The following CLIC5 variants were observed in gnomAD, a reference collection of about 807,000 sequenced individuals.
CLIC5 encodes the protein chloride intracellular channel protein 5.
Under a neutral mutation model 24.7 loss-of-function variants are expected in CLIC5, and 20 were observed. The ratio of observed to expected loss-of-function variants is 0.81; its 90% CI spans 0.57 to 1.18. CLIC5 has a LOEUF of 1.18. CLIC5 is among the 50% of genes most tolerant of loss of function. The pLI, the probability that CLIC5 is intolerant of heterozygous loss-of-function variation, is 0.00. For synonymous variants in CLIC5, 159 were observed against 135.6 expected, an observed-to-expected ratio of 1.17 and a Z score of -1.20; for missense variants, 341 against 326.1, an observed-to-expected ratio of 1.05 and a Z score of -0.35.
intron 1 of CLIC5, among the ~76,000 whole-genome samples, chr6:46,073,244 AAC>A (rs1762669216): frequency 2.6e-5 from 4 of 152,164 alleles, no homozygotes; most frequent in Admixed American, 2.0e-4. Flanking sequence ...ACCCCATGCA[AAC>A]ACACTTTTTA....
chr6:46,002,013 C>G (rs541210927), intron 1 of CLIC5, among the ~76,000 whole-genome samples: 105 of 152,264 alleles, frequency 6.9e-4, no homozygotes, highest in Non-Finnish European at 1.4e-3. Context: ...CCCCACCCCC[C>G]ACACCAGGGA....
At chr6:45,995,458 G>T (rs1276180317) in intron 1 of CLIC5, among the ~76,000 whole-genome samples, 1 of 152,204 alleles carries the variant, frequency 6.6e-6, no homozygotes, top group Non-Finnish European at 1.5e-5. Context: ...CTCACAGTGT[G>T]ATCTGCTTTA....
At chr6:45,978,613 T>C (rs1470596560) in intron 1 of CLIC5, among the ~76,000 whole-genome samples, 2 of 152,212 alleles carry the variant, frequency 1.3e-5, no homozygotes, top group East Asian at 1.9e-4. Context: ...CTGAGGCTTC[T>C]AGTGTAGGGT....
chr6:46,006,127 C>CAT (rs58643121), intron 1 of CLIC5, among the ~76,000 whole-genome samples: 4,646 of 34,852 alleles, frequency 0.13, 326 homozygotes, highest in Non-Finnish European at 0.15. Flanking sequence ...TGTATAAATA[C>CAT]ATATATATAT....
intron 6 of CLIC5, among the ~76,000 whole-genome samples, chr6:45,890,326 A>G (rs947699448): frequency 2.0e-5 from 3 of 152,346 alleles, no homozygotes; most frequent in South Asian, 2.1e-4. Flanking sequence ...CTCAACATCT[A>G]TAATTATCAG....
Position 45,903,053 on chromosome 6 carries a change from C to A in CLIC5, c.*35G>T. Reference sequence around the variant, plus strand: ...TGGAGTCTTAGGGGAGTGGTTGAGTCCTTCTGCAGCGGGGATGGGGCAAAA... The same window carrying A: ...TGGAGTCTTAGGGGAGTGGTTGAGTACTTCTGCAGCGGGGATGGGGCAAAA... On this transcript the variant is annotated 3_prime_UTR_variant, in exon 6 of 6. Transcript: ENST00000339561. 1 of 1,612,518 alleles carries A rather than the reference C, an allele frequency of 6.2e-7. No homozygotes were observed. The highest frequency in any genetic ancestry group is 1.1e-5 in the South Asian group (1 of 90,844).
At chr6:45,929,024 A>G (rs1763621828) in intron 4 of CLIC5, among the ~76,000 whole-genome samples, 1 of 152,114 alleles carries the variant, frequency 6.6e-6, no homozygotes, top group Non-Finnish European at 1.5e-5. Flanking sequence ...ACCACATGGA[A>G]TGGTGTTGGT....
intron 1 of CLIC5, among the ~76,000 whole-genome samples, chr6:46,074,412 T>G (rs533790094): frequency 6.6e-6 from 1 of 152,332 alleles, no homozygotes; most frequent in South Asian, 2.1e-4. Flanking sequence ...CACTTTACTA[T>G]GCTGAGCCAA....
At chr6:46,103,057 A>G in the CLIC5 span, among the ~76,000 whole-genome samples, 1 of 147,920 alleles carries the variant, frequency 6.8e-6, no homozygotes, top group African/African-American at 2.4e-5. Context: ...CACGAGTTTC[A>G]CTCAGCTTTT....
chr6:45,882,117 G>A (rs925021890), intron 6 of CLIC5, among the ~76,000 whole-genome samples: 1 of 152,154 alleles, frequency 6.6e-6, no homozygotes, highest in Non-Finnish European at 1.5e-5. Flanking sequence ...GCACACTTGC[G>A]ACTTTTCTTT....
intron 1 of CLIC5, among the ~76,000 whole-genome samples, chr6:46,062,646 A>C (rs1226505602): frequency 6.6e-6 from 1 of 152,228 alleles, no homozygotes; most frequent in Non-Finnish European, 1.5e-5. Flanking sequence ...TGCCTGAAAC[A>C]CATGCTTCAT....
exon 1 of CLIC5, chr6:46,079,754 C>T: frequency 1.3e-6 from 2 of 1,551,828 alleles, no homozygotes; most frequent in African/African-American, 1.4e-5. Context: ...CCTTTTCTTC[C>T]AAACCTTCAG....
intron 1 of CLIC5, among the ~76,000 whole-genome samples, chr6:46,055,403 A>G (rs984585423): frequency 1.6e-4 from 24 of 152,170 alleles, no homozygotes; most frequent in African/African-American, 5.8e-4. Context: ...AAGCCCGGCT[A>G]ATTTTTGTAC....
chr6:45,952,253 T>C (rs1764496836), intron 2 of CLIC5, among the ~76,000 whole-genome samples: 2 of 152,216 alleles, frequency 1.3e-5, no homozygotes, highest in Admixed American at 1.3e-4. Context: ...TCTGTCTTTG[T>C]TGACCCTGCT....
intron 1 of CLIC5, among the ~76,000 whole-genome samples, chr6:46,045,920 C>CA (rs35106477): frequency 0.69 from 104,612 of 151,960 alleles, 36,189 homozygotes; most frequent in Admixed American, 0.76. Context: ...AAGGAACGCA[C>CA]ATGAACATAA....
chr6:46,090,326 C>T, the CLIC5 span, among the ~76,000 whole-genome samples: 1 of 152,016 alleles, frequency 6.6e-6, no homozygotes, highest in Non-Finnish European at 1.5e-5. Flanking sequence ...GCTTTCGGCT[C>T]CGACCCCAAC....
At chr6:46,038,141 C>T (rs1033542359) in intron 1 of CLIC5, among the ~76,000 whole-genome samples, 7 of 151,976 alleles carry the variant, frequency 4.6e-5, no homozygotes, top group African/African-American at 1.7e-4. Flanking sequence ...TAGAAGGGAC[C>T]CAGGAGCTCA....
At position 45,981,040 on chromosome 6, in the gene CLIC5, G is replaced by A. The variant is rs550501970; in HGVS notation, c.64-25796C>T. On this transcript the variant is annotated intron_variant, in intron 1 of 5. Transcript: ENST00000339561. Reference sequence around the variant, plus strand: ...GGCTGAAGTGCAGTGGTGTGATCTCGGCTCACTGCAGCCTCAACCTCCAGG... The same window carrying A: ...GGCTGAAGTGCAGTGGTGTGATCTCAGCTCACTGCAGCCTCAACCTCCAGG... Among the ~76,000 whole-genome samples, 14 of 151,444 alleles carry A rather than the reference G, an allele frequency of 9.2e-5. 1 individual carries two copies. In the East Asian group the frequency reaches 2.7e-3, roughly 30 times the overall value.
At chr6:45,888,813 T>C (rs1273988440) in intron 6 of CLIC5, among the ~76,000 whole-genome samples, 1 of 152,234 alleles carries the variant, frequency 6.6e-6, no homozygotes, top group African/African-American at 2.4e-5. Context: ...TGAATTATTA[T>C]ATATTTGCTA....
Sources: allele counts gnomAD v4.1 joint callset (sites outside exome capture counted in the v4.1 genomes callset), GRCh38; gene constraint gnomAD v4.1.1; transcripts MANE v1.5; gene names NCBI Gene and HGNC (gene_info 2026-07-23, HGNC 2026-07-21).